The following SLC1A2 variants were observed in gnomAD, a reference collection of about 807,000 sequenced individuals.
The protein encoded by SLC1A2 is solute carrier family 1 member 2, also known as excitatory amino acid transporter 2.
In SLC1A2, 15 loss-of-function variants were observed where a neutral mutation model predicts 48.8. That is an observed-to-expected ratio of 0.31 (90% CI 0.21 to 0.47). SLC1A2 has a LOEUF of 0.47. SLC1A2 is among the 20% of genes least tolerant of loss of function. The pLI is 0.99. For missense variants in SLC1A2, 502 were observed against 730.5 expected (o/e 0.69, Z 3.61); for synonymous variants, 279 against 272.6 (o/e 1.02, Z -0.23).
chr11:35,322,598 G>A (rs1347059713), intron 1 of SLC1A2: 2 of 1,534,798 alleles, frequency 1.3e-6, no homozygotes, highest in Admixed American at 2.0e-5. Context: ...TCTCCTCCCT[G>A]GCCCCAGGCT....
intron 9 of SLC1A2, among the ~76,000 whole-genome samples, chr11:35,270,225 C>A (rs191121654): frequency 3.0e-4 from 45 of 152,298 alleles, no homozygotes; most frequent in African/African-American, 1.0e-3. Context: ...TGGGTGAGAA[C>A]ACTAACCCAG....
chr11:35,382,626 T>C (rs1057269272), intron 1 of SLC1A2, among the ~76,000 whole-genome samples: 1 of 152,298 alleles, frequency 6.6e-6, no homozygotes, highest in Non-Finnish European at 1.5e-5. Context: ...TGAAACCCTG[T>C]CTCTACTAAA....
intron 1 of SLC1A2, among the ~76,000 whole-genome samples, chr11:35,337,749 G>T (rs1223187647): frequency 6.6e-6 from 1 of 152,122 alleles, no homozygotes; most frequent in Non-Finnish European, 1.5e-5. Context: ...TCTTATCTGA[G>T]CCTAAGACTC....
intron 1 of SLC1A2, among the ~76,000 whole-genome samples, chr11:35,330,570 T>G (rs3103239): frequency 0.8 from 121,361 of 152,196 alleles, 48,941 homozygotes; most frequent in East Asian, 0.93. Context: ...AAGGCTGCAG[T>G]TGCAAAGAAG....
chr11:35,377,366 T>C (rs1854276268), intron 1 of SLC1A2, among the ~76,000 whole-genome samples: 1 of 152,212 alleles, frequency 6.6e-6, no homozygotes, highest in Admixed American at 6.5e-5. Flanking sequence ...TCATCCCTGG[T>C]TTGTTCTCAA....
rs111353042 is a variant in SLC1A2, at chr11:35,332,947, C to T, written c.18-15431G>A. Reference sequence around the variant, plus strand: ...TCTTTCTCTTTTACTTCAGTTCTCGCTCTTAACTTCCTTAGCCCACTGAGC... The same window carrying T: ...TCTTTCTCTTTTACTTCAGTTCTCGTTCTTAACTTCCTTAGCCCACTGAGC... On this transcript the variant is annotated intron_variant, in intron 1 of 10. Transcript: ENST00000278379. Among the ~76,000 whole-genome samples, 1,432 of 152,330 alleles carry T rather than the reference C, an allele frequency of 9.4e-3. 28 individuals are homozygous for T. The highest frequency in any genetic ancestry group is 0.032 in the African/African-American group (1,341 of 41,580).
At chr11:35,289,975 C>T (rs747766972) in intron 7 of SLC1A2, among the ~76,000 whole-genome samples, 5 of 151,870 alleles carry the variant, frequency 3.3e-5, no homozygotes, top group African/African-American at 1.2e-4. Flanking sequence ...ACAAGGCAGG[C>T]GAAAGGGGAG....
chr11:35,262,239 C>T (rs973103909), intron 10 of SLC1A2, among the ~76,000 whole-genome samples: 2 of 152,178 alleles, frequency 1.3e-5, no homozygotes, highest in African/African-American at 2.4e-5. Context: ...TGGCTCTCAG[C>T]GATGAACCGC....
chr11:35,384,595 G>T (rs943187902), intron 1 of SLC1A2, among the ~76,000 whole-genome samples: 1 of 152,162 alleles, frequency 6.6e-6, no homozygotes, highest in African/African-American at 2.4e-5. Flanking sequence ...AGAAGATATT[G>T]ATTCATCATT....
chr11:35,369,591 C>T (rs1026562514), intron 1 of SLC1A2, among the ~76,000 whole-genome samples: 7 of 152,256 alleles, frequency 4.6e-5, no homozygotes, highest in African/African-American at 1.4e-4. Context: ...TTGTCCCACA[C>T]ATGAGATCGT....
chr11:35,358,694 G>A (rs1345735692), intron 1 of SLC1A2, among the ~76,000 whole-genome samples: 1 of 152,072 alleles, frequency 6.6e-6, no homozygotes, highest in Non-Finnish European at 1.5e-5. Context: ...ACATGTGAAA[G>A]AACAGAGTAC....
At chr11:35,378,363 T>C (rs565339857) in intron 1 of SLC1A2, among the ~76,000 whole-genome samples, 2 of 152,378 alleles carry the variant, frequency 1.3e-5, no homozygotes, top group Admixed American at 1.3e-4. Context: ...CAGTATTAGC[T>C]TGTGGCTGCA....
chr11:35,414,003 A>C (rs1330026583), intron 1 of SLC1A2, among the ~76,000 whole-genome samples: 1 of 152,216 alleles, frequency 6.6e-6, no homozygotes, highest in Non-Finnish European at 1.5e-5. Context: ...CATCTATCCT[A>C]GAGACCAGGA....
At chr11:35,405,165 C>G (rs749632417) in intron 1 of SLC1A2, among the ~76,000 whole-genome samples, 3 of 152,110 alleles carry the variant, frequency 2.0e-5, no homozygotes, top group Non-Finnish European at 4.4e-5. Flanking sequence ...TGTCCAGTCA[C>G]CAGAAAACTC....
At chr11:35,345,957 G>T (rs1460132164) in intron 1 of SLC1A2, among the ~76,000 whole-genome samples, 5 of 152,108 alleles carry the variant, frequency 3.3e-5, no homozygotes, top group Non-Finnish European at 7.3e-5. Context: ...GACCCATTTT[G>T]CAGGTGAGAA....
At position 35,258,131 on chromosome 11, in the gene SLC1A2, A is replaced by G. The variant is rs138677230; in HGVS notation, c.*2763T>C. 6.6e-6 allele frequency: 1 copy of G among 152,262 alleles called. No homozygotes were observed. The highest frequency in any genetic ancestry group is 2.4e-5 in the African/African-American group (1 of 41,478). 9.4% of individuals were successfully genotyped at this position (152,262 alleles called of 1,614,324 possible). ...TTAAATAAAAACAGAGGACATAGAC[A>G]TATGTCAACATGTCAACTCTACATG... On this transcript the variant is annotated 3_prime_UTR_variant, in exon 11 of 11. Coordinates refer to ENST00000278379, the MANE Select transcript of SLC1A2 (RefSeq NM_004171.4).
At chr11:35,266,545 T>C (rs1000740721) in intron 9 of SLC1A2, among the ~76,000 whole-genome samples, 11 of 152,242 alleles carry the variant, frequency 7.2e-5, no homozygotes, top group African/African-American at 2.4e-4. Context: ...TTGATAACTC[T>C]CTTAGAAATT....
chr11:35,411,048 A>G (rs929282760), intron 1 of SLC1A2, among the ~76,000 whole-genome samples: 5 of 152,224 alleles, frequency 3.3e-5, no homozygotes, highest in African/African-American at 1.2e-4. Context: ...TTGAAATGTT[A>G]GCAATTAATT....
chr11:35,280,725 T>C, intron 9 of SLC1A2, 142 bp downstream of exon 9: 1 of 574,882 alleles, frequency 1.7e-6, no homozygotes, highest in South Asian at 2.8e-5. Context: ...AGGTCCTCAG[T>C]AAATGTGAGC....
Sources: allele counts gnomAD v4.1 joint callset (sites outside exome capture counted in the v4.1 genomes callset), GRCh38; gene constraint gnomAD v4.1.1; transcripts MANE v1.5; gene names NCBI Gene and HGNC (gene_info 2026-07-23, HGNC 2026-07-21).